CCDC174: variants seen among roughly 807,000 people sequenced by gnomAD.
CCDC174 encodes coiled-coil domain-containing protein 174.
CCDC174 carries 37 observed loss-of-function variants against 57.1 expected under a neutral mutation model. The observed-to-expected ratio is 0.65, with a 90% CI of 0.50 to 0.85. The LOEUF is 0.85. Ranked by LOEUF, CCDC174 falls within the 40% of genes least tolerant of loss-of-function variation. CCDC174 has a pLI of 0.00. For missense variants in CCDC174, 540 were observed against 574.3 expected, an observed-to-expected ratio of 0.94 and a Z score of 0.61; for synonymous variants, 182 against 190.2, an observed-to-expected ratio of 0.96 and a Z score of 0.35.
chr3:14,660,959 G>T (rs1575070140), intron 4 of CCDC174, among the ~76,000 whole-genome samples: 1 of 152,226 alleles, frequency 6.6e-6, no homozygotes, highest in African/African-American at 2.4e-5. Flanking sequence ...CAGGCAGAGG[G>T]TGTCTTGCAT....
chr3:14,653,997 A>G (rs535308788), intron 1 of CCDC174, among the ~76,000 whole-genome samples: 1 of 152,170 alleles, frequency 6.6e-6, no homozygotes, highest in South Asian at 2.1e-4. Flanking sequence ...TGTCTAATTC[A>G]TGTTTATGTT....
rs770760978 is a variant in CCDC174 at position 14,667,024 on chromosome 3, A to G, written c.724+77A>G. On this transcript the variant is annotated intron_variant, in intron 7 of 10. Coordinates refer to ENST00000383794, the MANE Select transcript of CCDC174 (RefSeq NM_016474.5). ...ATGGCAAACATAAAGGGAAGTATTC[A>G]TAAAGCAATAGCTTTTACATGGAAA... 2.4e-6 allele frequency: 3 copies of G among 1,230,992 alleles called. No homozygotes were observed. The African/African-American group carries it at 4.6e-5, about 19-fold the overall frequency. 76.3% of individuals were successfully genotyped at this position (1,230,992 alleles called of 1,614,324 possible). A position where few individuals can be genotyped will look rare whatever the true frequency, so the allele number is the denominator to read the frequency against.
At chr3:14,662,338 G>GC (rs1051729944) in intron 5 of CCDC174, among the ~76,000 whole-genome samples, 1 of 92,554 alleles carries the variant, frequency 1.1e-5, no homozygotes, top group Non-Finnish European at 2.3e-5. Flanking sequence ...ACACCCCCCC[G>GC]CCCCCCTTCA....
chr3:14,667,556 G>A, intron 8 of CCDC174, 38 bp downstream of exon 8: 1 of 1,504,152 alleles, frequency 6.6e-7, no homozygotes, highest in Non-Finnish European at 9.3e-7. Context: ...GGAAAGATGT[G>A]AGCGCTTGGT....
In CCDC174 at chr3:14,655,562, G is replaced by A. The variant is rs371975190; in HGVS notation, c.181G>A (p.Val61Ile). The A allele has an allele frequency of 3.5e-5, 57 of 1,610,358 alleles. No individual in the cohort carries two copies. The highest frequency in any genetic ancestry group is 1.1e-4 in the African/African-American group (8 of 74,586). ...PSIWSKQNVGVSNRAEKDAEQ... is the reference protein window; with the variant it reads ...PSIWSKQNVGISNRAEKDAEQ... ...TATCTGGAGCAAACAGAATGTAGGC[G>A]TTTCAAATCGAGCTGAGAAGGATGC... The change falls in exon 3 of 11, where the codon GTT (valine) becomes ATT (isoleucine). Residue 61 changes from valine to isoleucine, a missense_variant. Transcript: ENST00000383794.
rs777272028 is a variant in CCDC174, at chr3:14,671,243, C to G, written c.*49C>G. The G allele has an allele frequency of 1.3e-6, 2 of 1,519,368 alleles. No individual in the cohort carries two copies. The allele number at this position is 1,519,368 out of a possible 1,614,324, so 94.1% of individuals were successfully genotyped here. On this transcript the variant is annotated 3_prime_UTR_variant, in exon 11 of 11. Transcript: ENST00000383794. ...GTTTGTACTTTGACAGTGCCTTTCTCTCCCAGAGGGAGAAATAACTTTAGG... is the reference window on the plus strand; with the variant it reads ...GTTTGTACTTTGACAGTGCCTTTCTGTCCCAGAGGGAGAAATAACTTTAGG...
chr3:14,670,191 G>A, intron 10 of CCDC174, 105 bp downstream of exon 10: 2 of 1,153,670 alleles, frequency 1.7e-6, no homozygotes, highest in Non-Finnish European at 2.4e-6. Context: ...TGCCTTGTGT[G>A]GTTTTACAGC....
chr3:14,652,299 G>A (rs1024487097), intron 1 of CCDC174, among the ~76,000 whole-genome samples: 8 of 152,198 alleles, frequency 5.3e-5, no homozygotes, highest in African/African-American at 1.9e-4. Flanking sequence ...AGTCCTCCCA[G>A]AACTTTAGAG....
chr3:14,665,874 CA>C (rs376959519), intron 6 of CCDC174, among the ~76,000 whole-genome samples: 48,465 of 141,316 alleles, frequency 0.34, 7,895 homozygotes, highest in Admixed American at 0.4. Flanking sequence ...ACTGAAAATA[CA>C]AAAAAAAAAA....
At chr3:14,663,821 G>C (rs2031229342) in intron 5 of CCDC174, among the ~76,000 whole-genome samples, 1 of 152,214 alleles carries the variant, frequency 6.6e-6, no homozygotes, top group Non-Finnish European at 1.5e-5. Flanking sequence ...GTGATTTGAA[G>C]AGTTTGGAGG....
chr3:14,654,812 G>C (rs144556810), intron 2 of CCDC174, among the ~76,000 whole-genome samples: 138 of 152,178 alleles, frequency 9.1e-4, no homozygotes, highest in African/African-American at 3.2e-3. Context: ...ATAAGTGTTA[G>C]GTATCCAAAT....
At position 14,654,433 on chromosome 3, in the gene CCDC174, A is replaced by G. The variant is rs751314444; in HGVS notation, c.50A>G (p.Asp17Gly). 1.3e-6 allele frequency: 2 copies of G among 1,579,818 alleles called. No homozygotes were observed. The highest frequency in any genetic ancestry group is 1.7e-6 in the Non-Finnish European group (2 of 1,155,512). The change falls in exon 2 of 11, where the codon GAT becomes GGT. Residue 17 changes from aspartate to glycine, a missense_variant. Transcript: ENST00000383794. ...PLDVTASSLVDLKAELFRKQE... is the reference protein window; with the variant it reads ...PLDVTASSLVGLKAELFRKQE... ...TTACTGCTTTCATTCTAGTTGGTAG[A>G]TCTTAAGGCTGAACTCTTCCGAAAG...
chr3:14,668,888 T>C (rs1412274889), intron 9 of CCDC174, among the ~76,000 whole-genome samples: 1 of 152,216 alleles, frequency 6.6e-6, no homozygotes, highest in Non-Finnish European at 1.5e-5. Flanking sequence ...TCCTCCAGGC[T>C]TGCTGTTTCT....
At chr3:14,662,914 T>G in intron 5 of CCDC174, among the ~76,000 whole-genome samples, 1 of 152,226 alleles carries the variant, frequency 6.6e-6, no homozygotes, top group East Asian at 1.9e-4. Context: ...TCTTTTTACC[T>G]ACTGTCTTAA....
chr3:14,660,402 G>T (rs771104465), intron 4 of CCDC174, among the ~76,000 whole-genome samples: 1 of 152,214 alleles, frequency 6.6e-6, no homozygotes, highest in African/African-American at 2.4e-5. Flanking sequence ...TACTCAGGAC[G>T]CTGAGGCAGG....
chr3:14,666,830 A>T lies in CCDC174; in HGVS notation c.607A>T (p.Thr203Ser). The T allele has an allele frequency of 1.3e-6, 2 of 1,585,884 alleles. No homozygotes were observed. Among genetic ancestry groups the T allele is most frequent in the Non-Finnish European group, 1.7e-6 (2 of 1,173,040 alleles). ...RLFISPANEK[T>S]LLSEDMRKEL... ...TTTTATTAGTCCTGCTAATGAAAAA[A>T]CCCTATTATCTGAAGATATGAGAAA... is the stretch of plus-strand genomic sequence containing the variant. Residue 203 changes from threonine to serine, a missense_variant, in exon 7 of 11, where the codon ACC becomes TCC. Thr to Ser is a moderately conservative substitution (Grantham distance 58, BLOSUM62 1). Coordinates refer to ENST00000383794, the MANE Select transcript of CCDC174 (RefSeq NM_016474.5).
At chr3:14,661,740 A>G (rs1216300498) in intron 5 of CCDC174, 33 bp downstream of exon 5, 3 of 1,562,986 alleles carry the variant, frequency 1.9e-6, no homozygotes, top group Non-Finnish European at 2.6e-6. Context: ...TCAGAGGAAC[A>G]TCCTCAGACT....
intron 5 of CCDC174, among the ~76,000 whole-genome samples, chr3:14,662,079 G>A (rs1004601885): frequency 3.3e-5 from 5 of 152,154 alleles, no homozygotes; most frequent in Admixed American, 2.0e-4. Flanking sequence ...TGCCTTACCC[G>A]TGTTCTTGTT....
At chr3:14,652,625 G>T (rs2030811412) in intron 1 of CCDC174, among the ~76,000 whole-genome samples, 1 of 152,094 alleles carries the variant, frequency 6.6e-6, no homozygotes, top group African/African-American at 2.4e-5. Flanking sequence ...GTGATAGCCG[G>T]GCGCGGTGAC....
Sources: allele counts gnomAD v4.1 joint callset (sites outside exome capture counted in the v4.1 genomes callset), GRCh38; gene constraint gnomAD v4.1.1; transcripts MANE v1.5; gene names NCBI Gene and HGNC (gene_info 2026-07-23, HGNC 2026-07-21).